ZNF782: variants seen among roughly 807,000 people sequenced by gnomAD.
The protein encoded by ZNF782 is zinc finger protein 782.
In ZNF782, 12 loss-of-function variants were observed where a neutral mutation model predicts 13.0. The observed-to-expected ratio is 0.92, with a 90% CI of 0.59 to 1.50. ZNF782 has a LOEUF of 1.50. Ranked by LOEUF, ZNF782 falls within the 40% of genes most tolerant of loss-of-function variation. ZNF782 has a pLI of 0.00. For missense variants in ZNF782, 770 were observed against 822.9 expected (o/e 0.94, Z 0.79); for synonymous variants, 284 against 283.0 (o/e 1.00, Z -0.04).
the ZNF782 span, among the ~76,000 whole-genome samples, chr9:96,902,051 A>G: frequency 6.6e-6 from 1 of 152,122 alleles, no homozygotes; most frequent in Non-Finnish European, 1.5e-5. Context: ...AACATAGGCC[A>G]GTGGTTCTCA....
the ZNF782 span, among the ~76,000 whole-genome samples, chr9:96,885,033 A>T: frequency 6.6e-6 from 1 of 152,220 alleles, no homozygotes; most frequent in Non-Finnish European, 1.5e-5. Flanking sequence ...ATTTTAAAAA[A>T]GATTAAATGG....
At chr9:96,901,511 A>G in the ZNF782 span, among the ~76,000 whole-genome samples, 1 of 151,674 alleles carries the variant, frequency 6.6e-6, no homozygotes, top group Non-Finnish European at 1.5e-5. Context: ...ACCTAAGGAG[A>G]TCCTCCCACC....
chr9:96,904,245 CTATT>C, the ZNF782 span, among the ~76,000 whole-genome samples: 7 of 117,170 alleles, frequency 6.0e-5, no homozygotes, highest in Non-Finnish European at 1.2e-4. Context: ...GGTATGCCAC[CTATT>C]TTTTATTTTT....
the ZNF782 span, among the ~76,000 whole-genome samples, chr9:96,898,840 C>T: frequency 2.0e-5 from 3 of 148,986 alleles, no homozygotes; most frequent in Non-Finnish European, 4.4e-5. Flanking sequence ...TCCCAAAGTG[C>T]TGGGATTACA....
At chr9:96,861,532 G>A (rs1851702608) in exon 2 of ZNF782, 1 of 154,138 alleles carries the variant, frequency 6.5e-6, no homozygotes, top group Non-Finnish European at 1.5e-5. Flanking sequence ...AATTACCTGA[G>A]CCCAGGAGGT....
Position 96,818,229 on chromosome 9 carries a change from T to C in ZNF782, c.1794A>G (p.Thr598=), listed in dbSNP as rs555467189. Residue 598 remains threonine (T), a synonymous_variant, in exon 6 of 6, where the codon ACA becomes ACG. Transcript: ENST00000481138. ...KPYQCEECGK[T]FRQKSNLRGH... Reference sequence around the variant, plus strand: ...CTCTGAGATTTGATTTCTGCCTGAATGTTTTTCCACACTCCTCACATTGAT... The same window carrying C: ...CTCTGAGATTTGATTTCTGCCTGAACGTTTTTCCACACTCCTCACATTGAT... The C allele has an allele frequency of 1.2e-6, 2 of 1,612,778 alleles. No homozygotes were observed. The highest frequency in any genetic ancestry group is 2.2e-5 in the East Asian group (1 of 44,726).
chr9:96,889,674 T>TA, the ZNF782 span: 1 of 152,216 alleles, frequency 6.6e-6, no homozygotes, highest in Non-Finnish European at 1.5e-5. Flanking sequence ...GTGCTTGGAT[T>TA]AGAGGCGTGA....
chr9:96,838,471 C>T (rs1337509290), intron 4 of ZNF782, among the ~76,000 whole-genome samples: 1 of 152,098 alleles, frequency 6.6e-6, no homozygotes, highest in Non-Finnish European at 1.5e-5. Flanking sequence ...TTAAATCTCC[C>T]TATTTTAATT....
In ZNF782 at chr9:96,818,067, C is replaced by T. The variant is rs1163696148; in HGVS notation, c.1956G>A (p.Gly652=). 3 of 1,612,690 alleles carry T rather than the reference C, an allele frequency of 1.9e-6. No individual in the cohort carries two copies. Among genetic ancestry groups the T allele is most frequent in the African/African-American group, 2.7e-5 (2 of 74,454 alleles). ...GEKPYNCNQC[G]EAFSQKSNLR... is the part of the protein sequence containing the mutation. Reference sequence around the variant, plus strand: ...GATTGGATTTCTGACTGAAAGCTTCCCCACACTGATTACAATTATATGGTT... The same window carrying T: ...GATTGGATTTCTGACTGAAAGCTTCTCCACACTGATTACAATTATATGGTT... Residue 652 remains glycine (G), a synonymous_variant, in exon 6 of 6, where the codon GGG becomes GGA. Coordinates refer to ENST00000481138, the MANE Select transcript of ZNF782 (RefSeq NM_001001662.3).
At chr9:96,855,683 T>A (rs1370828322), upstream of ZNF782, among the ~76,000 whole-genome samples, 1 of 152,262 alleles carries the variant, frequency 6.6e-6, no homozygotes, top group African/African-American at 2.4e-5. Context: ...TGGTTCCACG[T>A]TTTTGCAATC....
At chr9:96,880,642 T>A in the ZNF782 span, among the ~76,000 whole-genome samples, 34 of 152,204 alleles carry the variant, frequency 2.2e-4, 1 homozygote, top group Non-Finnish European at 2.9e-5. Flanking sequence ...AAACCACACC[T>A]AGTTGTAGTG....
At chr9:96,913,413 T>C in the ZNF782 span, among the ~76,000 whole-genome samples, 1 of 151,978 alleles carries the variant, frequency 6.6e-6, no homozygotes. Flanking sequence ...GGCCCAAATA[T>C]CCTATATCCA....
chr9:96,817,535 C>G lies in ZNF782; in HGVS notation c.*388G>C, dbSNP rs1156587858. On this transcript the variant is annotated 3_prime_UTR_variant, in exon 6 of 6. Coordinates refer to ENST00000481138, the MANE Select transcript of ZNF782 (RefSeq NM_001001662.3). ...ACACTTATTATATTCTAGCTTTTGTCATTGTGTGATTTCTCTGATGGTGAA... is the reference window on the plus strand; with the variant it reads ...ACACTTATTATATTCTAGCTTTTGTGATTGTGTGATTTCTCTGATGGTGAA... 2 of 167,596 alleles carry G rather than the reference C, an allele frequency of 1.2e-5. No homozygotes were observed. Among genetic ancestry groups the G allele is most frequent in the Non-Finnish European group, 2.5e-5 (2 of 78,932 alleles). The allele number at this position is 167,596 out of a possible 1,614,324, so 10.4% of individuals were successfully genotyped here.
intron 3 of ZNF782, among the ~76,000 whole-genome samples, chr9:96,859,645 G>A (rs1055593804): frequency 2.6e-5 from 4 of 152,136 alleles, no homozygotes; most frequent in Non-Finnish European, 5.9e-5. Flanking sequence ...CATGGGCCTC[G>A]AGTGAGACTC....
the ZNF782 span, chr9:96,897,888 A>T: frequency 6.6e-6 from 1 of 151,784 alleles, no homozygotes; most frequent in African/African-American, 2.4e-5. Context: ...CTATTATTAC[A>T]AGCTTGGGGA....
At chr9:96,879,779 A>G (rs1278997697), upstream of ZNF782, among the ~76,000 whole-genome samples, 1 of 152,114 alleles carries the variant, frequency 6.6e-6, no homozygotes, top group Middle Eastern at 3.2e-3. Flanking sequence ...TCAGTTTCCA[A>G]CTGTTTTTAG....
chr9:96,885,110 T>TA, the ZNF782 span, among the ~76,000 whole-genome samples: 2 of 150,926 alleles, frequency 1.3e-5, no homozygotes, highest in Admixed American at 6.6e-5. Context: ...GGGATACAAT[T>TA]AAAAAAATGC....
At chr9:96,867,691 T>C (rs527842633) in intron 1 of ZNF782, among the ~76,000 whole-genome samples, 27 of 152,324 alleles carry the variant, frequency 1.8e-4, no homozygotes, top group African/African-American at 5.8e-4. Flanking sequence ...CTGATCACTA[T>C]TGTGGTGCTC....
chr9:96,824,759 T>C (rs1397846330), intron 5 of ZNF782, among the ~76,000 whole-genome samples: 10 of 144,024 alleles, frequency 6.9e-5, no homozygotes, highest in Admixed American at 7.0e-5. Flanking sequence ...TATACACCAA[T>C]AACAGACAAA....
Sources: allele counts gnomAD v4.1 joint callset (sites outside exome capture counted in the v4.1 genomes callset), GRCh38; gene constraint gnomAD v4.1.1; transcripts MANE v1.5; gene names NCBI Gene and HGNC (gene_info 2026-07-23, HGNC 2026-07-21).